Variants in ANXA8 observed in about 807,000 individuals in gnomAD.
The protein encoded by ANXA8 is VAC-beta.
ANXA8 carries 9 observed loss-of-function variants against 26.8 expected under a neutral mutation model. The observed-to-expected ratio is 0.34, with a 90% confidence interval of 0.20 to 0.59. The LOEUF (loss-of-function observed/expected upper bound fraction) is 0.59, where lower values mean the gene tolerates loss of function less well. ANXA8 is among the 20% of genes least tolerant of loss of function. ANXA8 has a pLI of 0.84. For missense variants in ANXA8, 83 were observed against 238.5 expected, an observed-to-expected ratio of 0.35 and a Z score of 4.29; for synonymous variants, 39 against 94.8, an observed-to-expected ratio of 0.41 and a Z score of 3.42.
At chr10:47,959,019 G>A in the ANXA8 span, among the ~76,000 whole-genome samples, 7 of 150,058 alleles carry the variant, frequency 4.7e-5, no homozygotes, top group Non-Finnish European at 7.4e-5. Context: ...CTCAAGAGAA[G>A]GGTGAGGGCT....
At chr10:47,483,150 C>T (rs1384395217) in intron 1 of ANXA8, among the ~76,000 whole-genome samples, 2 of 151,640 alleles carry the variant, frequency 1.3e-5, no homozygotes, top group Non-Finnish European at 2.9e-5. Flanking sequence ...CCCATCAGTT[C>T]TGCTGGGGAT....
chr10:47,703,581 A>C, the ANXA8 span, among the ~76,000 whole-genome samples: 1 of 151,204 alleles, frequency 6.6e-6, no homozygotes, highest in Non-Finnish European at 1.5e-5. Flanking sequence ...AAAAAAAAAA[A>C]AATACAAAAC....
chr10:47,535,043 C>T, the ANXA8 span, among the ~76,000 whole-genome samples: 158 of 110,858 alleles, frequency 1.4e-3, 15 homozygotes, highest in South Asian at 0.045. Flanking sequence ...GGTATGATCT[C>T]GGCTCACTGC....
At chr10:47,502,951 G>T in the ANXA8 span, 2 of 1,594,614 alleles carry the variant, frequency 1.3e-6, no homozygotes, top group Non-Finnish European at 1.7e-6. Context: ...ATGAGGAGAG[G>T]GGGGCGGGTT....
the ANXA8 span, among the ~76,000 whole-genome samples, chr10:47,950,758 GA>G: frequency 6.6e-6 from 1 of 150,996 alleles, no homozygotes; most frequent in African/African-American, 2.5e-5. Flanking sequence ...AATCACAAAA[GA>G]TATTTTAAAA....
Position 47,484,032 on chromosome 10 carries a change from G to A in ANXA8, c.-99C>T. ...TCTGGCTCCTGCAGCTGAGGAGTGA[G>A]CAGGCCGCTCACTTGGGTGTGGGGG... is the stretch of plus-strand genomic sequence containing the variant. On this transcript the variant is annotated 5_prime_UTR_variant, in exon 1 of 12. Coordinates refer to ENST00000585281, the MANE Select transcript of ANXA8 (RefSeq NM_001040084.3). 5 of 1,611,456 alleles carry A rather than the reference G, an allele frequency of 3.1e-6. No individual in the cohort carries two copies. The South Asian group carries it at 3.3e-5, about 11-fold the overall frequency.
At chr10:47,691,227 C>T in the ANXA8 span, 44 of 1,458,638 alleles carry the variant, frequency 3.0e-5, no homozygotes, top group Admixed American at 5.5e-5. Context: ...ATTTTACTCA[C>T]GGGTGAGGTC....
the ANXA8 span, among the ~76,000 whole-genome samples, chr10:47,668,719 TG>T: frequency 6.6e-6 from 1 of 151,546 alleles, no homozygotes; most frequent in Non-Finnish European, 1.5e-5. Flanking sequence ...TTCTATTTTT[TG>T]TTTTCCTTTG....
upstream of ANXA8, among the ~76,000 whole-genome samples, chr10:47,485,836 C>T (rs1175799397): frequency 7.9e-5 from 12 of 151,848 alleles, no homozygotes; most frequent in South Asian, 2.1e-4. Context: ...GGGCCAGGTG[C>T]GGTGGCTCAC....
At chr10:47,695,612 C>A in the ANXA8 span, among the ~76,000 whole-genome samples, 1 of 151,610 alleles carries the variant, frequency 6.6e-6, no homozygotes, top group Non-Finnish European at 1.5e-5. Flanking sequence ...GAATCTAAAT[C>A]TGTAAGTAAT....
the ANXA8 span, among the ~76,000 whole-genome samples, chr10:47,537,107 G>GA: frequency 1.1e-5 from 1 of 93,714 alleles, no homozygotes. Flanking sequence ...ACTCTTGTTA[G>GA]AAAAAAATGG....
chr10:47,703,699 G>C, the ANXA8 span, among the ~76,000 whole-genome samples: 1 of 151,396 alleles, frequency 6.6e-6, no homozygotes, highest in Non-Finnish European at 1.5e-5. Flanking sequence ...TGAGGAGAGA[G>C]AGCATTGCAT....
the ANXA8 span, among the ~76,000 whole-genome samples, chr10:47,775,894 A>G: frequency 6.6e-6 from 1 of 151,370 alleles, no homozygotes; most frequent in East Asian, 1.9e-4. Flanking sequence ...AAGATGATCT[A>G]TGTCTATCCA....
the ANXA8 span, among the ~76,000 whole-genome samples, chr10:47,655,601 G>T: frequency 5.3e-5 from 8 of 151,858 alleles, no homozygotes; most frequent in African/African-American, 1.9e-4. Context: ...TAGTGGAAAT[G>T]AAGATTGAAC....
At chr10:47,527,635 C>G in the ANXA8 span, among the ~76,000 whole-genome samples, 2 of 142,236 alleles carry the variant, frequency 1.4e-5, no homozygotes, top group African/African-American at 5.3e-5. Flanking sequence ...TTAGCTATGG[C>G]AACTTAGTGA....
At chr10:47,559,343 G>T in the ANXA8 span, among the ~76,000 whole-genome samples, 1 of 151,320 alleles carries the variant, frequency 6.6e-6, no homozygotes, top group African/African-American at 2.4e-5. Context: ...GGCCAAGCTG[G>T]TCTCGAACTC....
At chr10:47,684,564 C>T in the ANXA8 span, among the ~76,000 whole-genome samples, 1 of 151,822 alleles carries the variant, frequency 6.6e-6, no homozygotes, top group South Asian at 2.1e-4. Flanking sequence ...AGTTTGTAAA[C>T]TTTCTTAAAA....
chr10:47,744,629 C>G, the ANXA8 span, among the ~76,000 whole-genome samples: 1 of 151,722 alleles, frequency 6.6e-6, no homozygotes, highest in African/African-American at 2.4e-5. Context: ...ACAAAACATC[C>G]TAGGCAAATA....
the ANXA8 span, among the ~76,000 whole-genome samples, chr10:47,593,469 G>T: frequency 7.3e-5 from 11 of 149,826 alleles, 1 homozygote; most frequent in African/African-American, 2.8e-4. Context: ...GAAAGAAGTT[G>T]TTTCTCATGA....
Sources: gnomAD v4.1 joint callset for allele counts (sites outside exome capture counted in the v4.1 genomes callset) on GRCh38, gnomAD v4.1.1 for gene constraint, MANE v1.5 for transcripts, NCBI Gene and HGNC (gene_info 2026-07-23, HGNC 2026-07-21) for gene names.